Variants in CDC73 observed in about 807,000 individuals in gnomAD.
CDC73 encodes the protein parafibromin.
CDC73 carries 21 observed loss-of-function variants against 83.7 expected under a neutral mutation model. That is an observed-to-expected ratio of 0.25 (90% CI 0.18 to 0.36). The LOEUF (loss-of-function observed/expected upper bound fraction) is 0.36. Among genes scored for constraint, CDC73 ranks in the 10% least tolerant of loss-of-function variants. The pLI, the probability that CDC73 is intolerant of heterozygous loss-of-function variation, is 1.00. For synonymous variants in CDC73, 224 were observed against 212.9 expected (o/e 1.05, Z -0.45); for missense variants, 342 against 653.3 (o/e 0.52, Z 5.19).
chr1:193,178,225 G>C (rs1469587847), intron 10 of CDC73, among the ~76,000 whole-genome samples: 1 of 152,098 alleles, frequency 6.6e-6, no homozygotes, highest in Admixed American at 6.5e-5. Context: ...GTTTGATCCA[G>C]TCGCCTTTGA....
At chr1:193,217,463 C>G (rs933503302) in intron 13 of CDC73, among the ~76,000 whole-genome samples, 1 of 151,982 alleles carries the variant, frequency 6.6e-6, no homozygotes, top group Non-Finnish European at 1.5e-5. Context: ...GGATGGTTTT[C>G]CCCTGGAGTC....
intron 2 of CDC73, among the ~76,000 whole-genome samples, chr1:193,127,289 A>ATGTATG (rs1553277971): frequency 7.0e-6 from 1 of 143,188 alleles, no homozygotes; most frequent in South Asian, 2.2e-4. Context: ...AAAAAAAAAA[A>ATGTATG]TGTGTGTGTG....
intron 13 of CDC73, among the ~76,000 whole-genome samples, chr1:193,217,706 C>T (rs1677394330): frequency 6.6e-6 from 1 of 152,084 alleles, no homozygotes; most frequent in Non-Finnish European, 1.5e-5. Context: ...GGGGGCATGG[C>T]GAGCTAGGGT....
At chr1:193,199,949 A>G (rs570808392) in intron 10 of CDC73, among the ~76,000 whole-genome samples, 1 of 152,026 alleles carries the variant, frequency 6.6e-6, no homozygotes, top group East Asian at 1.9e-4. Flanking sequence ...TGTTTTCTTC[A>G]TAAAAACTTT....
chr1:193,123,404 T>G (rs1675501994), intron 1 of CDC73, among the ~76,000 whole-genome samples: 1 of 152,062 alleles, frequency 6.6e-6, no homozygotes, highest in Non-Finnish European at 1.5e-5. Context: ...ATTTATGTAG[T>G]TTAGTAGAGA....
At chr1:193,220,707 G>GT (rs1276722886) in intron 13 of CDC73, among the ~76,000 whole-genome samples, 2 of 152,078 alleles carry the variant, frequency 1.3e-5, no homozygotes, top group East Asian at 1.9e-4. Context: ...TCATTGAGCT[G>GT]TTTTTTCATT....
At chr1:193,236,531 C>T (rs1456160192) in intron 15 of CDC73, among the ~76,000 whole-genome samples, 175 bp downstream of exon 15, 1 of 152,150 alleles carries the variant, frequency 6.6e-6, no homozygotes, top group African/African-American at 2.4e-5. Flanking sequence ...TATATTAATA[C>T]TTTCTGTGTA....
intron 2 of CDC73, among the ~76,000 whole-genome samples, chr1:193,129,588 C>CAG (rs1675657262): frequency 6.6e-6 from 1 of 151,702 alleles, no homozygotes; most frequent in African/African-American, 2.4e-5. Flanking sequence ...CTCACTGAAA[C>CAG]GCCTGTCTCC....
At chr1:193,190,879 TCTAGAAGTTTGTG>T (rs1054440849) in intron 10 of CDC73, among the ~76,000 whole-genome samples, 1 of 152,148 alleles carries the variant, frequency 6.6e-6, no homozygotes, top group Non-Finnish European at 1.5e-5. Context: ...TACGAGGTGT[TCTAGAAGTTTGTG>T]AGGATGTTTC....
At chr1:193,196,198 T>G (rs745582888) in intron 10 of CDC73, among the ~76,000 whole-genome samples, 81 of 152,332 alleles carry the variant, frequency 5.3e-4, no homozygotes, top group Admixed American at 1.0e-3. Context: ...AACTTCGTCC[T>G]TTTGCGTGTG....
chr1:193,227,429 T>A (rs1677584155), intron 13 of CDC73, among the ~76,000 whole-genome samples: 1 of 151,608 alleles, frequency 6.6e-6, no homozygotes, highest in Admixed American at 6.6e-5. Flanking sequence ...CCCAGGAGTT[T>A]GAAGTTTGAA....
At chr1:193,163,148 G>T (rs1033003821) in intron 10 of CDC73, among the ~76,000 whole-genome samples, 148 of 78,648 alleles carry the variant, frequency 1.9e-3, no homozygotes, top group African/African-American at 8.3e-3. Flanking sequence ...GAACTTTGTG[G>T]GGTTGTGTGT....
chr1:193,238,425 A>G (rs769987098), intron 15 of CDC73, among the ~76,000 whole-genome samples: 75 of 152,292 alleles, frequency 4.9e-4, no homozygotes, highest in Middle Eastern at 6.8e-3. Flanking sequence ...GTTTTCACTG[A>G]AGTCACCAGT....
intron 10 of CDC73, among the ~76,000 whole-genome samples, chr1:193,153,330 T>A (rs1184940661): frequency 6.6e-6 from 1 of 152,202 alleles, no homozygotes; most frequent in African/African-American, 2.4e-5. Flanking sequence ...AACCTCATTT[T>A]GCATATTTAT....
At chr1:193,192,706 G>A (rs1393078683) in intron 10 of CDC73, among the ~76,000 whole-genome samples, 2 of 152,194 alleles carry the variant, frequency 1.3e-5, no homozygotes, top group African/African-American at 4.8e-5. Flanking sequence ...AAGAGCAGGG[G>A]GCCACTCACA....
chr1:193,198,920 G>C (rs1329364251), intron 10 of CDC73, among the ~76,000 whole-genome samples: 3 of 152,176 alleles, frequency 2.0e-5, no homozygotes. Context: ...AGTTTGTTTA[G>C]AGGTTGGGTG....
intron 13 of CDC73, among the ~76,000 whole-genome samples, chr1:193,214,706 G>A (rs903710754): frequency 9.2e-5 from 14 of 152,156 alleles, no homozygotes; most frequent in African/African-American, 3.4e-4. Flanking sequence ...GCGACAGAGC[G>A]AGACTCCTCA....
chr1:193,188,955 G>GTT (rs552692219), intron 10 of CDC73, among the ~76,000 whole-genome samples: 43 of 137,508 alleles, frequency 3.1e-4, no homozygotes, highest in South Asian at 1.2e-3. Flanking sequence ...CTGTCTGTCT[G>GTT]TTTTTTTTTT....
chr1:193,201,621 A>C (rs902229829), intron 10 of CDC73, among the ~76,000 whole-genome samples: 10 of 152,198 alleles, frequency 6.6e-5, no homozygotes, highest in Admixed American at 4.6e-4. Context: ...GTCATCAAAC[A>C]AGGATTATTA....
Sources: gnomAD v4.1 joint callset for allele counts (sites outside exome capture counted in the v4.1 genomes callset) on GRCh38, gnomAD v4.1.1 for gene constraint, MANE v1.5 for transcripts, NCBI Gene and HGNC (gene_info 2026-07-23, HGNC 2026-07-21) for gene names.